The following SSH2 variants were observed in gnomAD, a reference collection of about 807,000 sequenced individuals.
SSH2 encodes protein phosphatase Slingshot homolog 2.
In SSH2, 37 loss-of-function variants were observed where a neutral mutation model predicts 135.2. The observed-to-expected ratio is 0.27, with a 90% confidence interval of 0.21 to 0.36. SSH2 has a LOEUF of 0.36. SSH2 is among the 10% of genes least tolerant of loss of function. The pLI, the probability that SSH2 is intolerant of heterozygous loss-of-function variation, is 1.00. For missense variants in SSH2, 1,408 were observed against 1,765.3 expected (o/e 0.80, Z 3.63); for synonymous variants, 628 against 646.2 (o/e 0.97, Z 0.43).
rs140773643 is a variant in SSH2, at chr17:29,664,222, A to G, written c.1032+2645T>C. Among the ~76,000 whole-genome samples the G allele has an allele frequency of 6.8e-4, 104 of 152,182 alleles. 1 individual carries two copies. In the South Asian group the frequency reaches 0.012, roughly 18 times the overall value. ...TCCCGTCTCTACTAAAAACACAAAA[A>G]ATTAGCCAGGCGTGGTAGTGTGTGC... On this transcript the variant is annotated intron_variant, in intron 11 of 15. Transcript: ENST00000540801.
At chr17:29,669,881 C>CT (rs571124019) in intron 9 of SSH2, among the ~76,000 whole-genome samples, 2,459 of 133,020 alleles carry the variant, frequency 0.018, 27 homozygotes, top group African/African-American at 0.022. Flanking sequence ...CTAATAAAAT[C>CT]TTTTTTTTTT....
rs566495468 is a variant in SSH2 at position 29,930,186 on chromosome 17, G to C, written c.-186C>G. 1.7e-3 allele frequency: 1,016 copies of C among 584,810 alleles called. 3 individuals carry two copies. Among genetic ancestry groups the C allele is most frequent in the Non-Finnish European group, 1.8e-3 (611 of 340,896 alleles). 36.2% of individuals were successfully genotyped at this position (584,810 alleles called of 1,614,324 possible). ...CCAGACTGTCGCCGACTGACGCTCCGAACGGGCGGCGGGCGGGCGGTTCCG... is the reference window on the plus strand; with the variant it reads ...CCAGACTGTCGCCGACTGACGCTCCCAACGGGCGGCGGGCGGGCGGTTCCG... On this transcript the variant is annotated 5_prime_UTR_variant, in exon 1 of 16. Coordinates refer to ENST00000540801, the MANE Select transcript of SSH2 (RefSeq NM_001282129.2).
At chr17:29,714,933 C>T (rs1178279950) in intron 3 of SSH2, among the ~76,000 whole-genome samples, 1 of 152,092 alleles carries the variant, frequency 6.6e-6, no homozygotes, top group African/African-American at 2.4e-5. Flanking sequence ...ATGGTGCAAT[C>T]TCGGCTCACT....
rs1384440365 is a variant in SSH2, at chr17:29,630,609, G to C, written c.*232C>G. 5 of 352,072 alleles carry C rather than the reference G, an allele frequency of 1.4e-5. No individual in the cohort carries two copies. The highest frequency in any genetic ancestry group is 2.5e-5 in the Non-Finnish European group (5 of 200,480). 21.8% of individuals were successfully genotyped at this position (352,072 alleles called of 1,614,324 possible). On this transcript the variant is annotated 3_prime_UTR_variant, in exon 16 of 16. Transcript: ENST00000540801. ...TCTGAAAATGACTTTTTTGAGGTTT[G>C]ATTTTTTTAAATAAAAAATGATAAA...
At chr17:29,759,336 CT>C (rs2041221060) in intron 3 of SSH2, among the ~76,000 whole-genome samples, 1 of 152,136 alleles carries the variant, frequency 6.6e-6, no homozygotes, top group Non-Finnish European at 1.5e-5. Flanking sequence ...ACACCAGGCC[CT>C]TTTAAATTCT....
At position 29,714,208 on chromosome 17, in the gene SSH2, T is replaced by C. The variant is rs74726060; in HGVS notation, c.189-11146A>G. On this transcript the variant is annotated intron_variant, in intron 3 of 15. Transcript: ENST00000540801. Reference sequence around the variant, plus strand: ...TGGATGTCTTGGTTACTAAGAGACATGATGATGACCAACATGTCTCTTAGT... The same window carrying C: ...TGGATGTCTTGGTTACTAAGAGACACGATGATGACCAACATGTCTCTTAGT... 8.7e-3 allele frequency among the ~76,000 whole-genome samples: 1,329 copies of C among 152,032 alleles called. 46 individuals are homozygous for C. In the East Asian group the frequency reaches 0.12, roughly 14 times the overall value.
intron 1 of SSH2, among the ~76,000 whole-genome samples, chr17:29,858,694 C>T (rs1599102660): frequency 6.6e-6 from 1 of 152,058 alleles, no homozygotes; most frequent in African/African-American, 2.4e-5. Flanking sequence ...GCCTGAGCAA[C>T]ATAGCAAGAT....
Position 29,826,940 on chromosome 17 carries a change from A to C in SSH2, c.144+21909T>G, listed in dbSNP as rs374146316. ...TTCCCAAAAGGAAAAGATGAAGACTATACCAAAAGGTAGCAGCTACCTACC... is the reference window on the plus strand; with the variant it reads ...TTCCCAAAAGGAAAAGATGAAGACTCTACCAAAAGGTAGCAGCTACCTACC... On this transcript the variant is annotated intron_variant, in intron 2 of 15. Transcript: ENST00000540801. 2.0e-5 allele frequency among the ~76,000 whole-genome samples: 3 copies of C among 152,220 alleles called. No individual in the cohort carries two copies. In the East Asian group the frequency reaches 5.8e-4, roughly 29 times the overall value.
At chr17:29,644,027 T>C (rs1166110334) in intron 14 of SSH2, among the ~76,000 whole-genome samples, 2 of 152,210 alleles carry the variant, frequency 1.3e-5, no homozygotes, top group African/African-American at 2.4e-5. Context: ...CAGAAAGCTG[T>C]AGAACACCAG....
At chr17:29,798,050 C>T (rs2042188166) in intron 2 of SSH2, among the ~76,000 whole-genome samples, 2 of 152,018 alleles carry the variant, frequency 1.3e-5, no homozygotes, top group African/African-American at 2.4e-5. Flanking sequence ...CCGCTTTATA[C>T]CCTCATCAAC....
intron 1 of SSH2, among the ~76,000 whole-genome samples, chr17:29,849,412 G>T (rs2151387904): frequency 6.7e-6 from 1 of 149,980 alleles, no homozygotes; most frequent in South Asian, 2.1e-4. Context: ...CCGGAAGGCT[G>T]AGCTTGCAGT....
chr17:29,874,343 A>T (rs943623253), intron 1 of SSH2, among the ~76,000 whole-genome samples: 3 of 152,160 alleles, frequency 2.0e-5, no homozygotes, highest in African/African-American at 7.2e-5. Context: ...TTAACTTACA[A>T]AATAAATTTG....
At chr17:29,866,991 G>A (rs1007697285) in intron 1 of SSH2, among the ~76,000 whole-genome samples, 6 of 151,330 alleles carry the variant, frequency 4.0e-5, no homozygotes, top group Non-Finnish European at 8.8e-5. Flanking sequence ...GTGCCACCAC[G>A]CCCAGCTAAT....
intron 11 of SSH2, among the ~76,000 whole-genome samples, chr17:29,665,695 T>C (rs1457497924): frequency 6.6e-6 from 1 of 152,244 alleles, no homozygotes. Context: ...CCATTGATTT[T>C]AATTATTCTT....
At chr17:29,790,193 AG>A (rs2042039611) in intron 3 of SSH2, among the ~76,000 whole-genome samples, 1 of 152,290 alleles carries the variant, frequency 6.6e-6, no homozygotes, top group African/African-American at 2.4e-5. Context: ...CATATGTTGA[AG>A]CCCTACCCTC....
At position 29,628,540 on chromosome 17, in the gene SSH2, A is replaced by G. The variant is rs1442806396; in HGVS notation, c.*2301T>C. On this transcript the variant is annotated 3_prime_UTR_variant, in exon 16 of 16. Transcript: ENST00000540801. ...AGGCAAACCCTCTCCCCACCCTGCC[A>G]TAAGTTCCTGCCCTTCCCCATCATA... The G allele has an allele frequency of 6.6e-6, 1 of 152,136 alleles. No homozygotes were observed. Among genetic ancestry groups the G allele is most frequent in the Non-Finnish European group, 1.5e-5 (1 of 68,036 alleles). 9.4% of individuals were successfully genotyped at this position (152,136 alleles called of 1,614,324 possible).
rs1227544020 is a variant in SSH2 at position 29,626,830 on chromosome 17, G to C, written c.*4011C>G. On this transcript the variant is annotated 3_prime_UTR_variant, in exon 16 of 16. Transcript: ENST00000540801. ...ATGCCTTGATCTTTTAGTTTGGAAG[G>C]GAAAACAAAGTCCAAGATGCTTTTA... The C allele has an allele frequency of 6.6e-6, 1 of 152,534 alleles. No homozygotes were observed. Among genetic ancestry groups the C allele is most frequent in the African/African-American group, 2.4e-5 (1 of 41,422 alleles). 9.4% of individuals were successfully genotyped at this position (152,534 alleles called of 1,614,324 possible).
intron 1 of SSH2, among the ~76,000 whole-genome samples, chr17:29,900,722 G>C (rs1261254462): frequency 6.6e-6 from 1 of 152,128 alleles, no homozygotes; most frequent in East Asian, 1.9e-4. Context: ...TCAGTGTGGC[G>C]ATTCCTCAGG....
chr17:29,666,056 G>A (rs1277562355), intron 11 of SSH2, among the ~76,000 whole-genome samples: 1 of 152,082 alleles, frequency 6.6e-6, no homozygotes, highest in Non-Finnish European at 1.5e-5. Context: ...ATCCTATTTG[G>A]GGCCAGGCGC....
Sources: gnomAD v4.1 joint callset for allele counts (sites outside exome capture counted in the v4.1 genomes callset) on GRCh38, gnomAD v4.1.1 for gene constraint, MANE v1.5 for transcripts, NCBI Gene and HGNC (gene_info 2026-07-23, HGNC 2026-07-21) for gene names.